NXPH1: variants seen among roughly 807,000 people sequenced by gnomAD.
The protein encoded by NXPH1 is neurexophilin-1.
In NXPH1, 5 loss-of-function variants were observed where a neutral mutation model predicts 23.7. That is an observed-to-expected ratio of 0.21 (90% CI 0.11 to 0.44). NXPH1 has a LOEUF of 0.44. Among genes scored for constraint, NXPH1 ranks in the 20% least tolerant of loss-of-function variants. The probability of loss-of-function intolerance (pLI) is 0.99; values close to 1 mark genes in which losing one functional copy is unlikely to be tolerated. For missense variants in NXPH1, 324 were observed against 321.6 expected, an observed-to-expected ratio of 1.01 and a Z score of -0.06; for synonymous variants, 144 against 122.2, an observed-to-expected ratio of 1.18 and a Z score of -1.18.
intron 2 of NXPH1, among the ~76,000 whole-genome samples, chr7:8,737,282 G>A (rs1583254255): frequency 6.6e-6 from 1 of 152,034 alleles, no homozygotes; most frequent in Non-Finnish European, 1.5e-5. Context: ...TTTTTCCTTT[G>A]TATATTTAGT....
intron 2 of NXPH1, among the ~76,000 whole-genome samples, chr7:8,556,627 C>A (rs1218253114): frequency 6.6e-6 from 1 of 151,692 alleles, no homozygotes; most frequent in Non-Finnish European, 1.5e-5. Context: ...TCATCAGAAA[C>A]AAACCCTACC....
chr7:8,679,378 G>A (rs1306429279), intron 2 of NXPH1, among the ~76,000 whole-genome samples: 1 of 152,298 alleles, frequency 6.6e-6, no homozygotes, highest in Non-Finnish European at 1.5e-5. Context: ...TTGGGGTGCC[G>A]CACTGGAGAG....
chr7:8,609,359 A>G (rs1405508794), intron 2 of NXPH1, among the ~76,000 whole-genome samples: 2 of 152,184 alleles, frequency 1.3e-5, no homozygotes, highest in African/African-American at 4.8e-5. Context: ...GACGAAGAAT[A>G]TAACAATCAA....
chr7:8,617,753 C>G (rs1360477435), intron 2 of NXPH1, among the ~76,000 whole-genome samples: 1 of 151,980 alleles, frequency 6.6e-6, no homozygotes, highest in Non-Finnish European at 1.5e-5. Flanking sequence ...TGACTATAGT[C>G]AATAATAACG....
intron 2 of NXPH1, among the ~76,000 whole-genome samples, chr7:8,464,699 C>T (rs567458694): frequency 6.6e-6 from 1 of 151,968 alleles, no homozygotes. Context: ...TGGAATGATG[C>T]TTCTACAGAG....
intron 2 of NXPH1, among the ~76,000 whole-genome samples, chr7:8,449,422 G>C (rs1816465166): frequency 6.6e-6 from 1 of 152,188 alleles, no homozygotes; most frequent in Non-Finnish European, 1.5e-5. Flanking sequence ...TTTATATTTT[G>C]AGGCAAGCAC....
chr7:8,651,045 A>C (rs902872256), intron 2 of NXPH1, among the ~76,000 whole-genome samples: 32 of 150,782 alleles, frequency 2.1e-4, no homozygotes, highest in African/African-American at 7.8e-4. Context: ...ATATGTATAC[A>C]TGTGCCATGC....
intron 2 of NXPH1, among the ~76,000 whole-genome samples, chr7:8,553,172 T>C (rs1486451008): frequency 6.6e-6 from 1 of 151,578 alleles, no homozygotes; most frequent in African/African-American, 2.4e-5. Flanking sequence ...AAAGCAGAGC[T>C]GGACAAACAA....
chr7:8,680,275 G>C (rs1484905184), intron 2 of NXPH1, among the ~76,000 whole-genome samples: 4 of 152,240 alleles, frequency 2.6e-5, no homozygotes, highest in African/African-American at 4.8e-5. Flanking sequence ...TGCTGGTGGT[G>C]AATCGGGGAG....
At chr7:8,715,059 T>C (rs1046841438) in intron 2 of NXPH1, among the ~76,000 whole-genome samples, 1 of 152,156 alleles carries the variant, frequency 6.6e-6, no homozygotes, top group South Asian at 2.1e-4. Context: ...CTTTCAAGTT[T>C]ATTTAGGATC....
chr7:8,577,668 G>A (rs894800230), intron 2 of NXPH1, among the ~76,000 whole-genome samples: 4 of 152,172 alleles, frequency 2.6e-5, no homozygotes, highest in African/African-American at 9.7e-5. Context: ...AAGGCTTCCA[G>A]TGCTCCTTAC....
At chr7:8,441,971 C>A (rs1330893806) in intron 2 of NXPH1, among the ~76,000 whole-genome samples, 1 of 151,992 alleles carries the variant, frequency 6.6e-6, no homozygotes, top group Non-Finnish European at 1.5e-5. Flanking sequence ...TGCTCCGGTG[C>A]CCTCTGTTGC....
chr7:8,653,170 A>G (rs1415527884), intron 2 of NXPH1, among the ~76,000 whole-genome samples: 1 of 152,086 alleles, frequency 6.6e-6, no homozygotes, highest in Non-Finnish European at 1.5e-5. Context: ...TTGCAAAACT[A>G]AAAGTGTAGC....
intron 2 of NXPH1, among the ~76,000 whole-genome samples, chr7:8,625,723 CTT>C (rs758063616): frequency 2.0e-5 from 3 of 152,090 alleles, no homozygotes; most frequent in Non-Finnish European, 4.4e-5. Flanking sequence ...GCTTTCAGAT[CTT>C]TGTTATCACA....
intron 2 of NXPH1, among the ~76,000 whole-genome samples, chr7:8,738,782 C>G (rs528822791): frequency 3.9e-5 from 6 of 152,170 alleles, no homozygotes; most frequent in African/African-American, 1.4e-4. Flanking sequence ...CTATAAGCCC[C>G]TGACTGGGGC....
intron 2 of NXPH1, among the ~76,000 whole-genome samples, chr7:8,467,915 A>C (rs781413933): frequency 2.5e-4 from 38 of 152,136 alleles, no homozygotes; most frequent in Non-Finnish European, 4.4e-4. Context: ...TTTTTCGGGC[A>C]TTGTATACTA....
intron 2 of NXPH1, among the ~76,000 whole-genome samples, chr7:8,602,739 T>C (rs1193340914): frequency 6.6e-6 from 1 of 152,184 alleles, no homozygotes; most frequent in Non-Finnish European, 1.5e-5. Flanking sequence ...TCTGCTATTA[T>C]CTGTATAAAG....
chr7:8,670,289 A>G (rs1272751415), intron 2 of NXPH1, among the ~76,000 whole-genome samples: 1 of 152,176 alleles, frequency 6.6e-6, no homozygotes, highest in Non-Finnish European at 1.5e-5. Context: ...TGGAAAATTT[A>G]CTTTTCTGAA....
intron 2 of NXPH1, among the ~76,000 whole-genome samples, chr7:8,489,902 C>A (rs979223597): frequency 1.3e-5 from 2 of 152,032 alleles, no homozygotes; most frequent in African/African-American, 4.8e-5. Context: ...TGGTCTGATG[C>A]CCTGGTTCAA....
Sources: allele counts gnomAD v4.1 joint callset (sites outside exome capture counted in the v4.1 genomes callset), GRCh38; gene constraint gnomAD v4.1.1; transcripts MANE v1.5; gene names NCBI Gene and HGNC (gene_info 2026-07-23, HGNC 2026-07-21).